SOX5: variants seen among roughly 807,000 people sequenced by gnomAD.
The protein encoded by SOX5 is SRY-box transcription factor 5, also known as transcription factor SOX-5.
SOX5 carries 9 observed loss-of-function variants against 92.0 expected under a neutral mutation model. That is an observed-to-expected ratio of 0.10 (90% CI 0.06 to 0.17). SOX5 has a LOEUF of 0.17. Among genes scored for constraint, SOX5 ranks in the 10% least tolerant of loss-of-function variants. The pLI is 1.00. For synonymous variants in SOX5, 344 were observed against 336.3 expected (o/e 1.02, Z -0.25); for missense variants, 642 against 944.5 (o/e 0.68, Z 4.20).
intron 4 of SOX5, among the ~76,000 whole-genome samples, chr12:24,077,390 C>A (rs1381374484): frequency 1.3e-5 from 2 of 152,084 alleles, no homozygotes; most frequent in Non-Finnish European, 2.9e-5. Context: ...GTTTTCCTTC[C>A]AAAGGCTGCA....
At chr12:24,004,698 A>T (rs1291178611) in intron 4 of SOX5, among the ~76,000 whole-genome samples, 2 of 152,124 alleles carry the variant, frequency 1.3e-5, no homozygotes, top group African/African-American at 2.4e-5. Flanking sequence ...AGCCACATTG[A>T]ACAGTTTAGC....
intron 3 of SOX5, among the ~76,000 whole-genome samples, chr12:23,826,699 TAA>T (rs34746862): frequency 6.7e-6 from 1 of 149,960 alleles, no homozygotes. Flanking sequence ...AATTAGGGCT[TAA>T]AAAAAAAAAG....
At chr12:23,730,675 A>G (rs1286088110) in intron 6 of SOX5, among the ~76,000 whole-genome samples, 1 of 152,210 alleles carries the variant, frequency 6.6e-6, no homozygotes, top group Non-Finnish European at 1.5e-5. Context: ...TTAAAGAAAT[A>G]AAAATAGTTC....
At chr12:23,795,780 G>A (rs2142044456) in intron 3 of SOX5, among the ~76,000 whole-genome samples, 1 of 152,252 alleles carries the variant, frequency 6.6e-6, no homozygotes, top group Middle Eastern at 3.4e-3. Flanking sequence ...ACCCTCAGGA[G>A]AATGTGTGTT....
At chr12:23,578,117 C>CAAAAAAAACAAAAAAAAAAAAAAA (rs1949474812) in intron 9 of SOX5, among the ~76,000 whole-genome samples, 1 of 34,884 alleles carries the variant, frequency 2.9e-5, no homozygotes, top group African/African-American at 1.3e-4. Flanking sequence ...GAGACTGTGT[C>CAAAAAAAACAAAAAAAAAAAAAAA]AAAAAAAAAA....
chr12:23,961,407 A>G (rs1946916429), intron 4 of SOX5, among the ~76,000 whole-genome samples: 2 of 152,030 alleles, frequency 1.3e-5, no homozygotes, highest in African/African-American at 4.8e-5. Flanking sequence ...ATCTCTCCCT[A>G]CATATCATGA....
In SOX5 at chr12:24,019,453, G is replaced by A. The variant is rs536962409; in HGVS notation, c.-1-123429C>T. On this transcript the variant is annotated intron_variant, in intron 4 of 4. Transcript: ENST00000446891. Reference sequence around the variant, plus strand: ...ATAGAATTATAAAGTTTTAAAGATGGAAGGAACCATAGGGATCCACTGGCC... The same window carrying A: ...ATAGAATTATAAAGTTTTAAAGATGAAAGGAACCATAGGGATCCACTGGCC... 5.3e-5 allele frequency among the ~76,000 whole-genome samples: 8 copies of A among 152,300 alleles called. No individual in the cohort carries two copies. The East Asian group carries it at 1.2e-3, about 22-fold the overall frequency.
chr12:23,610,761 A>G (rs1286707143), intron 8 of SOX5, among the ~76,000 whole-genome samples: 2 of 152,170 alleles, frequency 1.3e-5, no homozygotes, highest in Non-Finnish European at 2.9e-5. Flanking sequence ...TCTTATCAGC[A>G]TAAGAACAAA....
At chr12:23,535,768 T>C (rs1324843406) in intron 14 of SOX5, among the ~76,000 whole-genome samples, 1 of 152,240 alleles carries the variant, frequency 6.6e-6, no homozygotes, top group Non-Finnish European at 1.5e-5. Flanking sequence ...TTTATTATTC[T>C]AAGAAGCTCT....
At chr12:24,003,657 T>A (rs1166695798) in intron 4 of SOX5, among the ~76,000 whole-genome samples, 1 of 151,652 alleles carries the variant, frequency 6.6e-6, no homozygotes, top group East Asian at 1.9e-4. Flanking sequence ...AAGAACCAAA[T>A]AAAGGAAATG....
At chr12:24,265,011 G>T (rs1565784710) in intron 3 of SOX5, among the ~76,000 whole-genome samples, 1 of 152,312 alleles carries the variant, frequency 6.6e-6, no homozygotes, top group South Asian at 2.1e-4. Flanking sequence ...CAACCCGAAA[G>T]CCTGCTGTCT....
intron 9 of SOX5, among the ~76,000 whole-genome samples, chr12:23,577,137 TTATA>T (rs748150313): frequency 2.3e-5 from 3 of 129,846 alleles, no homozygotes; most frequent in Non-Finnish European, 3.1e-5. Context: ...GATATCAAGT[TTATA>T]TATATATATA....
At chr12:23,653,030 AGATGGATGGATGGATG>A (rs377588371) in intron 7 of SOX5, among the ~76,000 whole-genome samples, 4 of 115,762 alleles carry the variant, frequency 3.5e-5, no homozygotes, top group East Asian at 2.4e-4. Context: ...ATGTACAGAT[AGATGGATGGATGGATG>A]GATGGATGGA....
chr12:24,220,235 A>C (rs1460359575), intron 3 of SOX5, among the ~76,000 whole-genome samples: 1 of 152,100 alleles, frequency 6.6e-6, no homozygotes, highest in African/African-American at 2.4e-5. Flanking sequence ...CATCAAGTAG[A>C]TATAGCATTT....
chr12:23,733,452 T>C (rs908886953), intron 6 of SOX5, among the ~76,000 whole-genome samples: 1 of 152,186 alleles, frequency 6.6e-6, no homozygotes, highest in Non-Finnish European at 1.5e-5. Context: ...GAGTGGATTA[T>C]AACATGTTGG....
intron 2 of SOX5, among the ~76,000 whole-genome samples, chr12:24,325,387 T>A (rs1950582056): frequency 6.6e-6 from 1 of 152,162 alleles, no homozygotes; most frequent in Admixed American, 6.5e-5. Context: ...GTTTATCATA[T>A]CTCAGATATG....
At chr12:24,183,957 G>C (rs1439251307) in intron 4 of SOX5, among the ~76,000 whole-genome samples, 1 of 152,118 alleles carries the variant, frequency 6.6e-6, no homozygotes, top group Non-Finnish European at 1.5e-5. Context: ...CTGACACAGA[G>C]TAACCACTCA....
At chr12:24,295,634 G>C (rs1284265695) in intron 2 of SOX5, among the ~76,000 whole-genome samples, 1 of 152,172 alleles carries the variant, frequency 6.6e-6, no homozygotes, top group Non-Finnish European at 1.5e-5. Flanking sequence ...TACAATCTTG[G>C]CTCACTGCAA....
intron 1 of SOX5, among the ~76,000 whole-genome samples, chr12:24,466,359 C>T (rs535189010): frequency 1.3e-5 from 2 of 152,266 alleles, no homozygotes; most frequent in South Asian, 2.1e-4. Context: ...GTTCCTCCCA[C>T]CTCAGCCTCT....
Sources: allele counts gnomAD v4.1 joint callset (sites outside exome capture counted in the v4.1 genomes callset), GRCh38; gene constraint gnomAD v4.1.1; transcripts MANE v1.5; gene names NCBI Gene and HGNC (gene_info 2026-07-23, HGNC 2026-07-21).